Variants in GSN observed in about 807,000 individuals in gnomAD.
GSN encodes gelsolin, also known as actin-depolymerizing factor.
GSN carries 56 observed loss-of-function variants against 85.7 expected under a neutral mutation model. The observed-to-expected ratio is 0.65, with a 90% CI of 0.53 to 0.82. The LOEUF (loss-of-function observed/expected upper bound fraction) is 0.82, where lower values mean the gene tolerates loss of function less well. Ranked by LOEUF, GSN falls within the 40% of genes least tolerant of loss-of-function variation. The probability of loss-of-function intolerance (pLI) is 0.00; values close to 1 mark genes in which losing one functional copy is unlikely to be tolerated. For missense variants in GSN, 857 were observed against 979.8 expected (o/e 0.87, Z 1.67); for synonymous variants, 373 against 399.1 (o/e 0.93, Z 0.78).
chr9:121,306,018 C>G (rs1486327765), intron 4 of GSN, among the ~76,000 whole-genome samples: 4 of 152,212 alleles, frequency 2.6e-5, no homozygotes, highest in Non-Finnish European at 5.9e-5. Context: ...CCCTCTTGTT[C>G]TATGACCCCC....
chr9:121,323,811 C>G (rs1429560005), intron 11 of GSN, among the ~76,000 whole-genome samples: 1 of 152,072 alleles, frequency 6.6e-6, no homozygotes, highest in African/African-American at 2.4e-5. Flanking sequence ...TTAAAGGGTA[C>G]TAGTCAGTTA....
chr9:121,300,156 T>A, intron 2 of GSN: 1 of 1,534,436 alleles, frequency 6.5e-7, no homozygotes, highest in Non-Finnish European at 9.0e-7. Context: ...TCCGGGGCTC[T>A]GGCTCGCAGA....
intron 4 of GSN, among the ~76,000 whole-genome samples, chr9:121,308,167 T>A (rs1373202769): frequency 6.6e-6 from 1 of 152,222 alleles, no homozygotes; most frequent in Non-Finnish European, 1.5e-5. Context: ...GAAGGGGCCC[T>A]GGAAGCAGGG....
rs1304879848 is a variant in GSN at position 121,312,466 on chromosome 9, C to T, written c.641C>T (p.Thr214Ile). ...CGAGTGCACGTGTCTGAGGAGGGCA[C>T]TGAGCCCGAGGCGATGCTCCAGGTG... ...RARVHVSEEGTEPEAMLQVLG... is the reference protein window; with the variant it reads ...RARVHVSEEGIEPEAMLQVLG... The change falls in exon 6 of 18, where the codon ACT (threonine) becomes ATT (isoleucine). Residue 214 changes from threonine to isoleucine, a missense_variant. By Grantham distance (89) the Thr-to-Ile change is moderately conservative. Transcript: ENST00000432226. The T allele has an allele frequency of 3.1e-6, 5 of 1,613,262 alleles. No homozygotes were observed. The East Asian group carries it at 8.9e-5, about 29-fold the overall frequency.
intron 2 of GSN, 21 bp from the exon 3 acceptor site, chr9:121,301,942 C>T (rs2059914757): frequency 1.2e-6 from 2 of 1,614,004 alleles, no homozygotes; most frequent in Non-Finnish European, 8.5e-7. Flanking sequence ...CCCGCTTAGG[C>T]TCTGCCCTGT....
At chr9:121,208,850 GT>G (rs1299819865) in intron 1 of GSN, among the ~76,000 whole-genome samples, 2 of 152,216 alleles carry the variant, frequency 1.3e-5, no homozygotes, top group African/African-American at 2.4e-5. Context: ...GGGGGCAGGT[GT>G]TAGAGCACCT....
At chr9:121,308,067 T>G (rs774010586) in intron 4 of GSN, among the ~76,000 whole-genome samples, 19 of 152,208 alleles carry the variant, frequency 1.2e-4, no homozygotes, top group Non-Finnish European at 2.1e-4. Context: ...CTTCCCAGTT[T>G]TGGGCAGCAA....
intron 6 of GSN, among the ~76,000 whole-genome samples, chr9:121,255,952 CT>C (rs1053674267): frequency 2.2e-4 from 33 of 152,146 alleles, no homozygotes; most frequent in African/African-American, 8.0e-4. Context: ...CCACACAGTG[CT>C]TTACATGATT....
chr9:121,218,132 T>C (rs2054101896), intron 4 of GSN, among the ~76,000 whole-genome samples: 2 of 152,318 alleles, frequency 1.3e-5, no homozygotes, highest in East Asian at 1.9e-4. Context: ...AGGGTGGTCA[T>C]GGAGTATAGG....
intron 1 of GSN, among the ~76,000 whole-genome samples, chr9:121,208,159 G>A (rs906796082): frequency 2.1e-4 from 32 of 152,140 alleles, no homozygotes; most frequent in African/African-American, 6.0e-4. Context: ...ATACACACAC[G>A]GAATTGTTGT....
intron 1 of GSN, among the ~76,000 whole-genome samples, chr9:121,279,426 C>T (rs1016054315): frequency 6.6e-6 from 1 of 151,922 alleles, no homozygotes; most frequent in African/African-American, 2.4e-5. Context: ...GTTCTGCAGT[C>T]ATGCAGGCAA....
chr9:121,312,563 T>G, intron 6 of GSN, 75 bp downstream of exon 6: 2 of 1,205,662 alleles, frequency 1.7e-6, no homozygotes, highest in Non-Finnish European at 2.3e-6. Flanking sequence ...GTAGGCAATT[T>G]GAGGTGAATT....
chr9:121,263,888 C>CAAA (rs34342246), upstream of GSN, among the ~76,000 whole-genome samples: 22 of 70,516 alleles, frequency 3.1e-4, no homozygotes, highest in East Asian at 7.1e-4. Context: ...AACTCCATCT[C>CAAA]AAAAAAAAAA....
chr9:121,303,962 A>G (rs1282413700), intron 4 of GSN, among the ~76,000 whole-genome samples: 1 of 152,230 alleles, frequency 6.6e-6, no homozygotes, highest in Non-Finnish European at 1.5e-5. Context: ...CCAGAGTCAC[A>G]CAGCGAATTG....
chr9:121,234,563 A>G (rs2054456003), intron 5 of GSN, among the ~76,000 whole-genome samples: 1 of 152,222 alleles, frequency 6.6e-6, no homozygotes. Flanking sequence ...CACTTTTGCC[A>G]TGAAGTGAAT....
intron 5 of GSN, among the ~76,000 whole-genome samples, chr9:121,237,591 A>G (rs1388360386): frequency 6.6e-6 from 1 of 152,178 alleles, no homozygotes; most frequent in Non-Finnish European, 1.5e-5. Context: ...CCAAGCAACC[A>G]AAGAAACTAT....
upstream of GSN, among the ~76,000 whole-genome samples, chr9:121,267,631 G>A (rs964958182): frequency 6.6e-6 from 1 of 152,156 alleles, no homozygotes; most frequent in Non-Finnish European, 1.5e-5. Flanking sequence ...AAGGACCAGG[G>A]ATGCACTTGG....
chr9:121,313,957 G>T lies in GSN; in HGVS notation c.687G>T (p.Leu229=), dbSNP rs754520605. The T allele has an allele frequency of 6.2e-7, 1 of 1,614,168 alleles. No individual in the cohort carries two copies. Among genetic ancestry groups the T allele is most frequent in the East Asian group, 2.2e-5 (1 of 44,894 alleles). Residue 229 remains leucine, a synonymous_variant, in exon 7 of 18, where the codon CTG becomes CTT. Transcript: ENST00000432226. ...AGGTGCTGGGCCCCAAGCCGGCTCTGCCTGCAGGTACCGAGGACACCGCCA... is the reference window on the plus strand; with the variant it reads ...AGGTGCTGGGCCCCAAGCCGGCTCTTCCTGCAGGTACCGAGGACACCGCCA... ...MLQVLGPKPA[L]PAGTEDTAKE...
At chr9:121,294,901 A>T (rs761840160) in intron 2 of GSN, among the ~76,000 whole-genome samples, 1 of 152,094 alleles carries the variant, frequency 6.6e-6, no homozygotes, top group Non-Finnish European at 1.5e-5. Flanking sequence ...ACATACTCCA[A>T]CAGTCTCACT....
Sources: allele counts gnomAD v4.1 joint callset (sites outside exome capture counted in the v4.1 genomes callset), GRCh38; gene constraint gnomAD v4.1.1; transcripts MANE v1.5; gene names NCBI Gene and HGNC (gene_info 2026-07-23, HGNC 2026-07-21).